The following ANKRD29 variants were observed in gnomAD, a reference collection of about 807,000 sequenced individuals.
ANKRD29 encodes ankyrin repeat domain 29.
Under a neutral mutation model 38.0 loss-of-function variants are expected in ANKRD29, and 32 were observed. That is an observed-to-expected ratio of 0.84 (90% CI 0.64 to 1.13). The LOEUF is 1.13. Ranked by LOEUF, ANKRD29 falls within the 50% of genes most tolerant of loss-of-function variation. ANKRD29 has a pLI of 0.00. For synonymous variants in ANKRD29, 135 were observed against 152.4 expected, an observed-to-expected ratio of 0.89 and a Z score of 0.84; for missense variants, 357 against 377.9, an observed-to-expected ratio of 0.94 and a Z score of 0.46.
intron 6 of ANKRD29, among the ~76,000 whole-genome samples, chr18:23,629,133 C>T (rs560723491): frequency 4.9e-4 from 75 of 152,250 alleles, no homozygotes; most frequent in African/African-American, 1.5e-3. Context: ...TACAGGCATG[C>T]GCCACCGCGC....
At chr18:23,621,197 T>A (rs1398939674) in intron 6 of ANKRD29, among the ~76,000 whole-genome samples, 2 of 152,152 alleles carry the variant, frequency 1.3e-5, no homozygotes, top group Non-Finnish European at 2.9e-5. Context: ...TAAGACTGAA[T>A]TACCCATCGG....
At chr18:23,655,956 A>G (rs1012634141) in intron 1 of ANKRD29, among the ~76,000 whole-genome samples, 18 of 150,054 alleles carry the variant, frequency 1.2e-4, no homozygotes, top group South Asian at 2.1e-4. Flanking sequence ...AGCCGGGCGT[A>G]GTGGTGGGCG....
rs113195681 is a variant in ANKRD29, at chr18:23,604,837, T to C, written c.823-3528A>G. ...AGCCACCGTTCCTGGCCAGGTGCTT[T>C]TTCTTGAGATAATCATCATACTTCA... is the stretch of plus-strand genomic sequence containing the variant. On this transcript the variant is annotated intron_variant, in intron 9 of 9. Coordinates refer to ENST00000592179, the MANE Select transcript of ANKRD29 (RefSeq NM_173505.4). Among the ~76,000 whole-genome samples the C allele has an allele frequency of 2.7e-3, 415 of 152,278 alleles. 4 individuals are homozygous for C. The highest frequency in any genetic ancestry group is 4.3e-3 in the Admixed American group (66 of 15,298).
chr18:23,616,089 A>G (rs899664112), intron 8 of ANKRD29, among the ~76,000 whole-genome samples: 2 of 150,528 alleles, frequency 1.3e-5, no homozygotes, highest in Admixed American at 1.3e-4. Flanking sequence ...TACTCTACAC[A>G]TACCGTATGT....
At chr18:23,626,932 G>A (rs774194126) in intron 6 of ANKRD29, among the ~76,000 whole-genome samples, 2 of 152,230 alleles carry the variant, frequency 1.3e-5, no homozygotes, top group African/African-American at 4.8e-5. Flanking sequence ...AACCAGGCAG[G>A]TATTCCTGTC....
intron 9 of ANKRD29, among the ~76,000 whole-genome samples, chr18:23,604,781 A>T (rs2059555253): frequency 6.6e-6 from 1 of 151,902 alleles, no homozygotes; most frequent in Non-Finnish European, 1.5e-5. Context: ...CACCTGCCTC[A>T]GCCTCCCAAA....
At chr18:23,653,491 C>T (rs1028469426) in intron 1 of ANKRD29, among the ~76,000 whole-genome samples, 18 of 152,100 alleles carry the variant, frequency 1.2e-4, no homozygotes, top group Admixed American at 1.0e-3. Context: ...CCTCGTGATC[C>T]GCCCATCTTG....
At chr18:23,603,768 T>A (rs1280827221) in intron 9 of ANKRD29, among the ~76,000 whole-genome samples, 1 of 152,186 alleles carries the variant, frequency 6.6e-6, no homozygotes, top group Non-Finnish European at 1.5e-5. Flanking sequence ...CAGGTTCACT[T>A]TGCAATTCAA....
chr18:23,656,083 A>T lies in ANKRD29; in HGVS notation c.21+6627T>A, dbSNP rs1334330578. ...ACTCCAGCCTGGGCGACAGAGCGAGACTCCGTCTCAAAAAAAAAAAAAAAA... is the reference window on the plus strand; with the variant it reads ...ACTCCAGCCTGGGCGACAGAGCGAGTCTCCGTCTCAAAAAAAAAAAAAAAA... On this transcript the variant is annotated intron_variant, in intron 1 of 9. Coordinates refer to ENST00000592179, the MANE Select transcript of ANKRD29 (RefSeq NM_173505.4). 5.0e-5 allele frequency among the ~76,000 whole-genome samples: 7 copies of T among 140,346 alleles called. No individual in the cohort carries two copies. In the Admixed American group the frequency reaches 5.0e-4, roughly 10 times the overall value. 92.1% of individuals were successfully genotyped at this position (140,346 alleles called of 152,430 possible).
chr18:23,624,138 C>T (rs901440670), intron 6 of ANKRD29, among the ~76,000 whole-genome samples: 1 of 151,700 alleles, frequency 6.6e-6, no homozygotes, highest in Non-Finnish European at 1.5e-5. Context: ...TCAAAGAAAT[C>T]ATTGTGAAGT....
At chr18:23,656,915 G>C (rs2060291584) in intron 1 of ANKRD29, among the ~76,000 whole-genome samples, 1 of 152,026 alleles carries the variant, frequency 6.6e-6, no homozygotes, top group African/African-American at 2.4e-5. Context: ...TTCATCCTTT[G>C]CCTAGCGCAG....
At chr18:23,625,366 C>G (rs2059850344) in intron 6 of ANKRD29, among the ~76,000 whole-genome samples, 1 of 152,022 alleles carries the variant, frequency 6.6e-6, no homozygotes. Context: ...GCCTGGTGCA[C>G]AAAGATGAGC....
intron 1 of ANKRD29, among the ~76,000 whole-genome samples, chr18:23,657,693 T>C (rs909887362): frequency 6.6e-6 from 1 of 152,370 alleles, no homozygotes; most frequent in East Asian, 1.9e-4. Context: ...TATATGGCAT[T>C]CTGTGTCTGG....
chr18:23,615,950 ACATACTATATGTATG>A (rs2059707952), intron 8 of ANKRD29, among the ~76,000 whole-genome samples: 1 of 136,992 alleles, frequency 7.3e-6, no homozygotes, highest in Admixed American at 7.2e-5. Flanking sequence ...TATAATATAT[ACATACTATATGTATG>A]TATATATACT....
intron 4 of ANKRD29, among the ~76,000 whole-genome samples, chr18:23,635,308 C>T (rs1489382793): frequency 6.7e-6 from 1 of 148,836 alleles, no homozygotes; most frequent in African/African-American, 2.5e-5. Context: ...AAAAAAAAAA[C>T]CCAACTAAGC....
intron 5 of ANKRD29, among the ~76,000 whole-genome samples, chr18:23,631,282 C>T (rs2059929428): frequency 6.6e-6 from 1 of 151,036 alleles, no homozygotes; most frequent in Non-Finnish European, 1.5e-5. Flanking sequence ...CTCTGTCACT[C>T]AGACCTTGAG....
intron 1 of ANKRD29, among the ~76,000 whole-genome samples, chr18:23,650,836 T>C (rs879835964): frequency 6.6e-6 from 1 of 152,196 alleles, no homozygotes; most frequent in Admixed American, 6.5e-5. Context: ...TCAGAATCAA[T>C]AGGCAAAATT....
At chr18:23,614,981 C>G (rs2059692478) in intron 8 of ANKRD29, among the ~76,000 whole-genome samples, 1 of 152,172 alleles carries the variant, frequency 6.6e-6, no homozygotes, top group East Asian at 1.9e-4. Flanking sequence ...CAGCAAACCA[C>G]AGCCTGCAAA....
intron 1 of ANKRD29, among the ~76,000 whole-genome samples, chr18:23,662,129 T>C (rs1406818435): frequency 6.6e-6 from 1 of 152,206 alleles, no homozygotes; most frequent in African/African-American, 2.4e-5. Flanking sequence ...ACATTTGAAC[T>C]GTTTAATACA....
Sources: allele counts gnomAD v4.1 joint callset (sites outside exome capture counted in the v4.1 genomes callset), GRCh38; gene constraint gnomAD v4.1.1; transcripts MANE v1.5; gene names NCBI Gene and HGNC (gene_info 2026-07-23, HGNC 2026-07-21).